The following SYNJ2BP variants were observed in gnomAD, a reference collection of about 807,000 sequenced individuals.
SYNJ2BP encodes the protein synaptojanin-2-binding protein.
SYNJ2BP carries 10 observed loss-of-function variants against 16.9 expected under a neutral mutation model. The ratio of observed to expected loss-of-function variants is 0.59; its 90% CI spans 0.36 to 1.00. The LOEUF is 1.00. Ranked by LOEUF, SYNJ2BP falls within the 50% of genes least tolerant of loss-of-function variation. The pLI, the probability that SYNJ2BP is intolerant of heterozygous loss-of-function variation, is 0.01. For missense variants in SYNJ2BP, 162 were observed against 186.7 expected, an observed-to-expected ratio of 0.87 and a Z score of 0.77; for synonymous variants, 54 against 68.4, an observed-to-expected ratio of 0.79 and a Z score of 1.04.
chr14:70,369,466 C>T lies in SYNJ2BP; in HGVS notation c.*3525G>A, dbSNP rs1344343077. The stretch of plus-strand genomic sequence containing the variant: ...TGTCAGGACCTTGCTTTGAGAACCA[C>T]TTCCAGTGAGAGAATATCATTGATG... On this transcript the variant is annotated 3_prime_UTR_variant, in exon 4 of 4. Transcript: ENST00000256366. 1.3e-5 allele frequency: 2 copies of T among 152,224 alleles called. No homozygotes were observed. Among genetic ancestry groups the T allele is most frequent in the Non-Finnish European group, 2.9e-5 (2 of 68,040 alleles). The allele number at this position is 152,224 out of a possible 1,614,324, so 9.4% of individuals were successfully genotyped here.
In SYNJ2BP at chr14:70,417,004, G is replaced by C. The variant is rs748211126; in HGVS notation, c.-41C>G. On this transcript the variant is annotated 5_prime_UTR_variant, in exon 1 of 4. Transcript: ENST00000256366. ...TGGCTTCCTACTTGGGTCAGCTGGA[G>C]TGCAGCACAGGTGAAGGTGAATCAA... 2 of 1,614,050 alleles carry C rather than the reference G, an allele frequency of 1.2e-6. No individual in the cohort carries two copies. Among genetic ancestry groups the C allele is most frequent in the East Asian group, 4.5e-5 (2 of 44,874 alleles).
chr14:70,416,008 C>G (rs1888597211), intron 1 of SYNJ2BP, among the ~76,000 whole-genome samples: 2 of 152,136 alleles, frequency 1.3e-5, no homozygotes, highest in Admixed American at 6.5e-5. Flanking sequence ...TTAAGTTAGC[C>G]AATAAGTATC....
intron 1 of SYNJ2BP, among the ~76,000 whole-genome samples, chr14:70,400,998 A>G (rs116431221): frequency 0.011 from 1,649 of 152,304 alleles, 26 homozygotes; most frequent in African/African-American, 0.037. Flanking sequence ...TTAAGCTTCA[A>G]AATTCGAGTG....
At chr14:70,396,095 T>C (rs1043952898) in intron 1 of SYNJ2BP, among the ~76,000 whole-genome samples, 2 of 152,178 alleles carry the variant, frequency 1.3e-5, no homozygotes, top group East Asian at 1.9e-4. Context: ...TGTACAAATA[T>C]CTGTTTTGAG....
Position 70,409,184 on chromosome 14 carries a change from G to A in SYNJ2BP, c.64+7716C>T, listed in dbSNP as rs184961014. 3.2e-3 allele frequency among the ~76,000 whole-genome samples: 490 copies of A among 152,210 alleles called. 4 individuals carry two copies. Among genetic ancestry groups the A allele is most frequent in the Non-Finnish European group, 4.6e-3 (315 of 68,022 alleles). On this transcript the variant is annotated intron_variant, in intron 1 of 3. Coordinates refer to ENST00000256366, the MANE Select transcript of SYNJ2BP (RefSeq NM_018373.3). The stretch of plus-strand genomic sequence containing the variant: ...TCCTCCTTGATCTCCCAAAGTGCTC[G>A]GATTACAGGCAAGAGCCACAATGCC...
intron 1 of SYNJ2BP, among the ~76,000 whole-genome samples, chr14:70,412,062 G>A (rs757541180): frequency 1.3e-5 from 2 of 152,136 alleles, no homozygotes; most frequent in Non-Finnish European, 2.9e-5. Context: ...CCTATGACAG[G>A]TCTACAAGGC....
intron 2 of SYNJ2BP, among the ~76,000 whole-genome samples, chr14:70,383,960 A>ATT (rs34105178): frequency 2.0e-4 from 29 of 144,112 alleles, no homozygotes; most frequent in African/African-American, 5.1e-4. Flanking sequence ...AGAGGAAACT[A>ATT]TTTTTTTTTT....
In SYNJ2BP at chr14:70,368,764, TTAAA is replaced by T. The variant is rs1249266311; in HGVS notation, c.*4223_*4226del. On this transcript the variant is annotated 3_prime_UTR_variant, in exon 4 of 4. Coordinates refer to ENST00000256366, the MANE Select transcript of SYNJ2BP (RefSeq NM_018373.3). ...ATTTAATAATTTAAATAGTGTTTAA[TTAAA>T]TAGTGTCTTGTTTAAATGCTATATA... is the stretch of plus-strand genomic sequence containing the variant. The T allele has an allele frequency of 4.6e-5, 7 of 151,850 alleles. No homozygotes were observed. In the East Asian group the frequency reaches 1.2e-3, roughly 25 times the overall value. 9.4% of individuals were successfully genotyped at this position (151,850 alleles called of 1,614,324 possible). A position where few individuals can be genotyped will look rare whatever the true frequency, so the allele number is the denominator to read the frequency against.
chr14:70,389,047 T>A (rs1887923408), intron 1 of SYNJ2BP, among the ~76,000 whole-genome samples: 1 of 151,544 alleles, frequency 6.6e-6, no homozygotes, highest in Admixed American at 6.6e-5. Flanking sequence ...CCTCAAGCAA[T>A]CACTATTGCC....
At chr14:70,392,643 C>A (rs1380117968) in intron 1 of SYNJ2BP, among the ~76,000 whole-genome samples, 2 of 152,146 alleles carry the variant, frequency 1.3e-5, no homozygotes, top group Non-Finnish European at 2.9e-5. Flanking sequence ...AATGCAAAAT[C>A]TCCTAAAAAA....
At chr14:70,405,867 T>C (rs1888334499) in intron 1 of SYNJ2BP, among the ~76,000 whole-genome samples, 1 of 152,210 alleles carries the variant, frequency 6.6e-6, no homozygotes, top group Non-Finnish European at 1.5e-5. Flanking sequence ...CTGTCTTTAT[T>C]AGGTCTTTTG....
intron 2 of SYNJ2BP, among the ~76,000 whole-genome samples, chr14:70,381,570 T>C (rs1159090568): frequency 2.0e-5 from 3 of 152,232 alleles, no homozygotes; most frequent in Admixed American, 1.3e-4. Context: ...CCAAGTTCTG[T>C]AGATTTCACC....
At chr14:70,402,666 TAAA>T (rs34370869) in intron 1 of SYNJ2BP, among the ~76,000 whole-genome samples, 1 of 146,206 alleles carries the variant, frequency 6.8e-6, no homozygotes. Context: ...AAGCCTGCTT[TAAA>T]AAAAAAAAAA....
At chr14:70,396,701 G>A (rs1888107543) in intron 1 of SYNJ2BP, among the ~76,000 whole-genome samples, 1 of 149,620 alleles carries the variant, frequency 6.7e-6, no homozygotes, top group African/African-American at 2.5e-5. Context: ...GTAACAAATT[G>A]TGGTTTTGAT....
At chr14:70,392,315 T>C (rs1449994759) in intron 1 of SYNJ2BP, among the ~76,000 whole-genome samples, 2 of 152,222 alleles carry the variant, frequency 1.3e-5, no homozygotes, top group Non-Finnish European at 2.9e-5. Flanking sequence ...CTTTTAGATA[T>C]TGTAGAAGCA....
chr14:70,397,924 G>T (rs1056491838), intron 1 of SYNJ2BP, among the ~76,000 whole-genome samples: 3 of 50,202 alleles, frequency 6.0e-5, no homozygotes, highest in African/African-American at 8.5e-5. Context: ...AGCTCAGAGG[G>T]GACCTGCAGG....
chr14:70,375,886 T>C, intron 2 of SYNJ2BP, 115 bp from the exon 3 acceptor site: 1 of 1,334,718 alleles, frequency 7.5e-7, no homozygotes, highest in Non-Finnish European at 1.0e-6. Flanking sequence ...TTGCAAGGAC[T>C]AGGAGTATGG....
chr14:70,386,862 T>C (rs764604644), intron 2 of SYNJ2BP, among the ~76,000 whole-genome samples: 10 of 152,252 alleles, frequency 6.6e-5, no homozygotes, highest in Non-Finnish European at 1.5e-4. Context: ...TAACTCATTA[T>C]AGAGGTAGGT....
At chr14:70,416,439 G>A (rs1888610553) in intron 1 of SYNJ2BP, among the ~76,000 whole-genome samples, 1 of 150,878 alleles carries the variant, frequency 6.6e-6, no homozygotes, top group Non-Finnish European at 1.5e-5. Flanking sequence ...CATTGTAAAT[G>A]AAGTTCCCAG....
Sources: allele counts gnomAD v4.1 joint callset (sites outside exome capture counted in the v4.1 genomes callset), GRCh38; gene constraint gnomAD v4.1.1; transcripts MANE v1.5; gene names NCBI Gene and HGNC (gene_info 2026-07-23, HGNC 2026-07-21).